The following CPNE4 variants were observed in gnomAD, a reference collection of about 807,000 sequenced individuals.
CPNE4 encodes the protein copine 4.
A neutral mutation model predicts 67.9 loss-of-function variants in CPNE4; 25 were observed. The ratio of observed to expected loss-of-function variants is 0.37; its 90% CI spans 0.27 to 0.51. The LOEUF (loss-of-function observed/expected upper bound fraction) is 0.51, where lower values mean the gene tolerates loss of function less well. Ranked by LOEUF, CPNE4 falls within the 20% of genes least tolerant of loss-of-function variation. The pLI, the probability that CPNE4 is intolerant of heterozygous loss-of-function variation, is 0.93. For synonymous variants in CPNE4, 242 were observed against 244.9 expected (o/e 0.99, Z 0.11); for missense variants, 464 against 690.8 (o/e 0.67, Z 3.68).
At chr3:131,621,566 C>G (rs555140074) in intron 7 of CPNE4, among the ~76,000 whole-genome samples, 1 of 152,224 alleles carries the variant, frequency 6.6e-6, no homozygotes, top group Non-Finnish European at 1.5e-5. Flanking sequence ...TCTCTTAATG[C>G]TACCATGTCA....
intron 1 of CPNE4, among the ~76,000 whole-genome samples, chr3:131,909,350 T>A (rs1452842778): frequency 6.6e-6 from 1 of 152,146 alleles, no homozygotes. Context: ...AAAAGCCCTC[T>A]CTTGGTCCAT....
chr3:131,758,994 CA>C (rs1469491569), intron 2 of CPNE4, among the ~76,000 whole-genome samples: 5 of 152,268 alleles, frequency 3.3e-5, no homozygotes, highest in African/African-American at 1.2e-4. Context: ...ATGTATTTAT[CA>C]GCAGAGTGAA....
At chr3:131,704,116 A>C (rs1279042808) in intron 3 of CPNE4, among the ~76,000 whole-genome samples, 2 of 152,182 alleles carry the variant, frequency 1.3e-5, no homozygotes, top group Non-Finnish European at 2.9e-5. Context: ...CTCCTAGTAC[A>C]ATTACTAGGA....
chr3:131,798,403 A>G (rs1457677027), intron 2 of CPNE4, among the ~76,000 whole-genome samples: 3 of 152,190 alleles, frequency 2.0e-5, no homozygotes, highest in African/African-American at 7.2e-5. Flanking sequence ...GTACAAGACA[A>G]TGGGAAGCTA....
At chr3:131,591,113 C>T (rs1938496892) in intron 7 of CPNE4, among the ~76,000 whole-genome samples, 2 of 152,168 alleles carry the variant, frequency 1.3e-5, no homozygotes, top group African/African-American at 2.4e-5. Flanking sequence ...CTGGCATTCA[C>T]ACACTCCTTA....
intron 7 of CPNE4, 90 bp from the exon 8 acceptor site, chr3:131,587,672 T>G: frequency 2.2e-6 from 2 of 918,964 alleles, no homozygotes; most frequent in South Asian, 3.0e-5. Context: ...AAAGAGTAGA[T>G]GAAAGATGTT....
At chr3:131,958,879 C>T (rs907306139) in intron 1 of CPNE4, among the ~76,000 whole-genome samples, 1 of 149,712 alleles carries the variant, frequency 6.7e-6, no homozygotes, top group Non-Finnish European at 1.5e-5. Context: ...AGTCCGGTCT[C>T]GAACTCCCGA....
chr3:131,747,795 T>C (rs561288584), intron 2 of CPNE4, among the ~76,000 whole-genome samples: 1 of 152,318 alleles, frequency 6.6e-6, no homozygotes, highest in African/African-American at 2.4e-5. Flanking sequence ...ATTTCATATG[T>C]AAATAGGAAC....
At chr3:131,700,077 T>TTTTTTTTTTTTTTTTTTTA (rs2081258949) in intron 3 of CPNE4, 97 bp from the exon 4 acceptor site, 1 of 552,478 alleles carries the variant, frequency 1.8e-6, no homozygotes, top group South Asian at 2.3e-5. Flanking sequence ...TTTTTTTTTT[T>TTTTTTTTTTTTTTTTTTTA]ACAAAACTCT....
chr3:131,773,539 G>T (rs1000743645), intron 2 of CPNE4, among the ~76,000 whole-genome samples: 6 of 151,918 alleles, frequency 3.9e-5, no homozygotes, highest in Non-Finnish European at 5.9e-5. Context: ...GTACAGACAG[G>T]CTTTTGCCAT....
intron 7 of CPNE4, among the ~76,000 whole-genome samples, chr3:131,609,370 G>A (rs1250853433): frequency 1.3e-5 from 2 of 152,136 alleles, no homozygotes; most frequent in African/African-American, 4.8e-5. Flanking sequence ...CATTTGACTA[G>A]ACACCGTCAA....
intron 1 of CPNE4, among the ~76,000 whole-genome samples, chr3:131,929,265 A>C (rs2070986644): frequency 6.6e-6 from 1 of 151,142 alleles, no homozygotes; most frequent in Non-Finnish European, 1.5e-5. Context: ...TGGTGGCAGC[A>C]CTTACTTGCT....
intron 2 of CPNE4, among the ~76,000 whole-genome samples, chr3:131,841,576 T>A (rs2085783034): frequency 6.6e-6 from 1 of 152,220 alleles, no homozygotes; most frequent in Non-Finnish European, 1.5e-5. Context: ...ATCTAACGCC[T>A]GATGATCTGA....
chr3:131,737,596 G>A (rs934973667), intron 2 of CPNE4, among the ~76,000 whole-genome samples: 1 of 152,006 alleles, frequency 6.6e-6, no homozygotes, highest in Non-Finnish European at 1.5e-5. Context: ...GCACAGGGCT[G>A]GGCACTCTCA....
chr3:131,569,466 C>T (rs187258842), intron 10 of CPNE4, among the ~76,000 whole-genome samples: 2 of 151,780 alleles, frequency 1.3e-5, no homozygotes, highest in East Asian at 3.9e-4. Context: ...TGGACCCTGT[C>T]TCTACAAAAA....
At chr3:131,924,896 C>T (rs911273457) in intron 1 of CPNE4, among the ~76,000 whole-genome samples, 1 of 152,196 alleles carries the variant, frequency 6.6e-6, no homozygotes, top group African/African-American at 2.4e-5. Flanking sequence ...TCTCCTTCAG[C>T]TCCCACCTCT....
chr3:131,631,781 T>C (rs893998252), intron 7 of CPNE4, among the ~76,000 whole-genome samples: 9 of 151,936 alleles, frequency 5.9e-5, no homozygotes, highest in African/African-American at 2.2e-4. Context: ...GGAGAGAAAC[T>C]GGAGATGAAT....
At chr3:131,912,688 T>A (rs1268826153) in intron 1 of CPNE4, among the ~76,000 whole-genome samples, 2 of 152,068 alleles carry the variant, frequency 1.3e-5, no homozygotes, top group African/African-American at 2.4e-5. Context: ...TACCCATAGG[T>A]GGCAAGCACT....
intron 2 of CPNE4, among the ~76,000 whole-genome samples, chr3:131,841,634 A>T (rs1433265036): frequency 6.6e-6 from 1 of 151,984 alleles, no homozygotes; most frequent in Non-Finnish European, 1.5e-5. Flanking sequence ...TTCCTTCCCC[A>T]CCCCATGTCC....
Sources: gnomAD v4.1 joint callset for allele counts (sites outside exome capture counted in the v4.1 genomes callset) on GRCh38, gnomAD v4.1.1 for gene constraint, MANE v1.5 for transcripts, NCBI Gene and HGNC (gene_info 2026-07-23, HGNC 2026-07-21) for gene names.